The following SMG1 variants were observed in gnomAD, a reference collection of about 807,000 sequenced individuals.
SMG1 encodes the protein serine/threonine-protein kinase SMG1.
SMG1 carries 22 observed loss-of-function variants against 419.9 expected under a neutral mutation model. The observed-to-expected ratio is 0.05, with a 90% CI of 0.04 to 0.07. The LOEUF (loss-of-function observed/expected upper bound fraction) is 0.07. Among genes scored for constraint, SMG1 ranks in the 10% least tolerant of loss-of-function variants. The pLI, the probability that SMG1 is intolerant of heterozygous loss-of-function variation, is 1.00. For synonymous variants in SMG1, 1,538 were observed against 1,553.5 expected (o/e 0.99, Z 0.23); for missense variants, 3,185 against 4,342.0 (o/e 0.73, Z 7.49).
chr16:18,923,010 C>T (rs947850899), intron 1 of SMG1, among the ~76,000 whole-genome samples: 27 of 152,106 alleles, frequency 1.8e-4, no homozygotes, highest in African/African-American at 6.3e-4. Context: ...CCTGGGAGGT[C>T]GAGACTGCAG....
chr16:18,865,084 C>T (rs2035428974), intron 23 of SMG1, among the ~76,000 whole-genome samples: 1 of 151,994 alleles, frequency 6.6e-6, no homozygotes, highest in Admixed American at 6.6e-5. Context: ...TGAAATACAA[C>T]ATTAAACATT....
rs755927069 is a variant in SMG1, at chr16:18,871,364, T to C, written c.2302A>G (p.Thr768Ala). Residue 768 changes from threonine (T) to alanine (A), a missense_variant and splice_region_variant, in exon 16 of 63, where the codon ACT becomes GCT. Physicochemically the swap from Thr to Ala is moderately conservative, Grantham distance 58. Around this residue, in one of 27 missense-constraint regions of SMG1, gnomAD observed 297 missense variants for 491.0 expected, o/e 0.60. Transcript: ENST00000446231. ...AAAAAAAAAAAAAACAGAGTCTTAC[T>C]GTTGGCTAAAAGGCCTTTGCAAAAT... ...HKFCKGLLAN[T>A]LVEDVNICLQ... 3.5e-5 allele frequency: 51 copies of C among 1,441,788 alleles called. No homozygotes were observed. The highest frequency in any genetic ancestry group is 4.7e-5 in the Non-Finnish European group (50 of 1,052,810). The allele number at this position is 1,441,788 out of a possible 1,614,324, so 89.3% of individuals were successfully genotyped here.
At chr16:18,919,765 C>CAAAA (rs1261183289) in intron 1 of SMG1, among the ~76,000 whole-genome samples, 1 of 150,254 alleles carries the variant, frequency 6.7e-6, no homozygotes, top group Non-Finnish European at 1.5e-5. Context: ...AAAAAACAAA[C>CAAAA]AAACCTTCCA....
chr16:18,816,408 G>T lies in SMG1; in HGVS notation c.10196C>A (p.Thr3399Lys). 1 of 1,613,898 alleles carries T rather than the reference G, an allele frequency of 6.2e-7. No individual in the cohort carries two copies. Residue 3399 changes from threonine to lysine, a missense_variant, in exon 58 of 63, where the codon ACG (threonine) becomes AAG (lysine). This residue lies in a region of SMG1 where 737 missense variants were observed against 846.6 expected (regional missense o/e 0.87). Transcript: ENST00000446231. ...IQTEKEQQIE[T>K]VCETIQNLVD... ...CAGATTCTGAATTGTTTCACAGACCGTTTCTATCTGCTGCTCTTTCTCTGT... is the reference window on the plus strand; with the variant it reads ...CAGATTCTGAATTGTTTCACAGACCTTTTCTATCTGCTGCTCTTTCTCTGT...
At position 18,900,247 on chromosome 16, in the gene SMG1, A is replaced by G. The variant is rs568947343; in HGVS notation, c.93-3291T>C. 9.3e-6 allele frequency: 4 copies of G among 427,878 alleles called. No homozygotes were observed. The Admixed American group carries it at 1.2e-4, about 13-fold the overall frequency. 26.5% of individuals were successfully genotyped at this position (427,878 alleles called of 1,614,324 possible). ...GAGGCTTAATGTGGCAACCAAAAAA[A>G]TTTTAGTACATAAGAGAATTTAAAT... is the stretch of plus-strand genomic sequence containing the variant. On this transcript the variant is annotated intron_variant, in intron 1 of 62. Transcript: ENST00000446231.
At position 18,845,554 on chromosome 16, in the gene SMG1, C is replaced by G. The variant is rs1208427194; in HGVS notation, c.6094G>C (p.Ala2032Pro). The change falls in exon 39 of 63, where the codon GCA (alanine) becomes CCA (proline). Residue 2032 changes from alanine to proline, a missense_variant. This residue lies in a region of SMG1 where 159 missense variants were observed against 196.0 expected (regional missense o/e 0.81). Coordinates refer to ENST00000446231, the MANE Select transcript of SMG1 (RefSeq NM_015092.5). The stretch of plus-strand genomic sequence containing the variant: ...AACCATTTTTCATGAGGTGTTTCTG[C>G]AGGAGCCGCTGTGATACTCCTCACA... ...EHVRSITAAPAETPHEKWFQD... is the reference protein window; with the variant it reads ...EHVRSITAAPPETPHEKWFQD... 1.2e-6 allele frequency: 2 copies of G among 1,613,818 alleles called. No homozygotes were observed. The highest frequency in any genetic ancestry group is 2.7e-5 in the African/African-American group (2 of 74,932).
rs2033459840 is a variant in SMG1 at position 18,834,941 on chromosome 16, A to G, written c.8281T>C (p.Ser2761Pro). Reference protein sequence around the residue: ...VFLHENGEEGSLSLASVIISA... With the variant: ...VFLHENGEEGPLSLASVIISA... ...ATAATAACACTTGCTAGACTCAAAG[A>G]TCCTTCTTCTCCATTCTCATGAAGG... Residue 2761 changes from serine (S) to proline (P), a missense_variant, in exon 49 of 63, where the codon TCT becomes CCT. By Grantham distance (74) the Ser-to-Pro change is moderately conservative. Around this residue, in one of 27 missense-constraint regions of SMG1, gnomAD observed 412 missense variants for 546.6 expected, o/e 0.75. Coordinates refer to ENST00000446231, the MANE Select transcript of SMG1 (RefSeq NM_015092.5). The G allele has an allele frequency of 1.2e-6, 2 of 1,613,908 alleles. No homozygotes were observed. Among genetic ancestry groups the G allele is most frequent in the Non-Finnish European group, 1.7e-6 (2 of 1,179,896 alleles).
intron 1 of SMG1, among the ~76,000 whole-genome samples, chr16:18,916,069 C>CAAAAAAAAAAAAAAAAAAAACAAA (rs2037961301): frequency 2.9e-5 from 1 of 34,794 alleles, no homozygotes; most frequent in Non-Finnish European, 5.1e-5. Flanking sequence ...CACTTCGTCT[C>CAAAAAAAAAAAAAAAAAAAACAAA]AAAAAAAAAA....
At chr16:18,852,730 T>C (rs1471462628) in intron 31 of SMG1, among the ~76,000 whole-genome samples, 6 of 152,344 alleles carry the variant, frequency 3.9e-5, no homozygotes, top group East Asian at 3.9e-4. Flanking sequence ...ACACTGAACA[T>C]TGTAAACAGT....
intron 1 of SMG1, among the ~76,000 whole-genome samples, chr16:18,920,869 G>A (rs1201211575): frequency 6.6e-6 from 1 of 151,996 alleles, no homozygotes; most frequent in African/African-American, 2.4e-5. Context: ...CAGGCATGGT[G>A]GCTCACGTCT....
chr16:18,849,085 A>C (rs1388380816), intron 36 of SMG1, 132 bp downstream of exon 36: 39 of 81,306 alleles, frequency 4.8e-4, no homozygotes, highest in Non-Finnish European at 1.2e-3. Context: ...AAAAAAAAAA[A>C]AAAAAAAAAA....
At position 18,839,791 on chromosome 16, in the gene SMG1, C is replaced by T. The variant is rs1377280557; in HGVS notation, c.6852G>A (p.Leu2284=). ...DWPLHVMKAV[L]EELMEATPPN... is the part of the protein sequence containing the mutation. ...GGGGTGTGGCCTCCATTAACTCTTC[C>T]AATACTGCCTTCATTACATGAAGAG... Residue 2284 remains leucine, a synonymous_variant, in exon 42 of 63, where the codon TTG becomes TTA. Transcript: ENST00000446231. The T allele has an allele frequency of 2.5e-6, 4 of 1,613,814 alleles. No individual in the cohort carries two copies. In the South Asian group the frequency reaches 3.3e-5, roughly 13 times the overall value.
intron 17 of SMG1, 29 bp downstream of exon 17, chr16:18,870,772 T>C (rs753110547): frequency 1.4e-4 from 205 of 1,513,424 alleles, no homozygotes; most frequent in Non-Finnish European, 1.8e-4. Flanking sequence ...TTAGGGTTAA[T>C]GTCAAAAGAC....
At chr16:18,882,528 C>T (rs2036443914) in intron 9 of SMG1, among the ~76,000 whole-genome samples, 190 bp from the exon 10 acceptor site, 1 of 152,046 alleles carries the variant, frequency 6.6e-6, no homozygotes. Context: ...TTTCAAAAAG[C>T]CAACATTAAA....
Position 18,805,675 on chromosome 16 carries a change from A to G in SMG1, c.*3894T>C, listed in dbSNP as rs900715142. 2 of 152,162 alleles carry G rather than the reference A, an allele frequency of 1.3e-5. No homozygotes were observed. Among genetic ancestry groups the G allele is most frequent in the African/African-American group, 4.8e-5 (2 of 41,438 alleles). The allele number at this position is 152,162 out of a possible 1,614,324, so 9.4% of individuals were successfully genotyped here. On this transcript the variant is annotated 3_prime_UTR_variant, in exon 63 of 63. Coordinates refer to ENST00000446231, the MANE Select transcript of SMG1 (RefSeq NM_015092.5). ...CTTCCCTGTGGGAAGAATCTTTCTA[A>G]TATTACCCAAATATTGAAAACAAAA...
chr16:18,887,774 A>C (rs1412853878), intron 6 of SMG1, among the ~76,000 whole-genome samples: 1 of 46,676 alleles, frequency 2.1e-5, no homozygotes, highest in Non-Finnish European at 5.3e-5. Context: ...AAAAAAAAAA[A>C]AAAAAAAAAA....
intron 45 of SMG1, among the ~76,000 whole-genome samples, 151 bp from the exon 46 acceptor site, chr16:18,837,594 CGTTCAA>C: frequency 6.6e-6 from 1 of 152,154 alleles, no homozygotes. Flanking sequence ...ACAACTAATG[CGTTCAA>C]GTTTACACAG....
At chr16:18,920,263 T>C (rs1388970792) in intron 1 of SMG1, among the ~76,000 whole-genome samples, 1 of 151,870 alleles carries the variant, frequency 6.6e-6, no homozygotes, top group African/African-American at 2.4e-5. Context: ...ATGCCGGTAA[T>C]CTGATCTACT....
rs1020607733 is a variant in SMG1, at chr16:18,871,904, A to T, written c.2183+280T>A. On this transcript the variant is annotated intron_variant, in intron 15 of 62. Coordinates refer to ENST00000446231, the MANE Select transcript of SMG1 (RefSeq NM_015092.5). ...CAGTGAGCAAAACTCCGTCTCAAAA[A>T]AAAAAGCAAAGAATATTAAAAATCT... 6.2e-4 allele frequency among the ~76,000 whole-genome samples: 95 copies of T among 152,064 alleles called. 1 individual carries two copies. Among genetic ancestry groups the T allele is most frequent in the Non-Finnish European group, 7.4e-5 (5 of 68,024 alleles).
Sources: allele counts gnomAD v4.1 joint callset (sites outside exome capture counted in the v4.1 genomes callset), GRCh38; gene constraint gnomAD v4.1.1; regional missense constraint gnomAD v4.1.1; transcripts MANE v1.5; gene names NCBI Gene and HGNC (gene_info 2026-07-23, HGNC 2026-07-21).